Variants in ARHGAP32 observed in about 807,000 individuals in gnomAD.
ARHGAP32 encodes the protein Rho GTPase activating protein 32.
In ARHGAP32, 51 loss-of-function variants were observed where a neutral mutation model predicts 186.5. That is an observed-to-expected ratio of 0.27 (90% CI 0.22 to 0.35). The LOEUF is 0.35. Among genes scored for constraint, ARHGAP32 ranks in the 10% least tolerant of loss-of-function variants. ARHGAP32 has a pLI of 1.00. For missense variants in ARHGAP32, 2,186 were observed against 2,623.5 expected (o/e 0.83, Z 3.64); for synonymous variants, 950 against 964.3 (o/e 0.99, Z 0.27).
chr11:129,007,949 G>C lies in ARHGAP32; in HGVS notation c.1046-9481C>G, dbSNP rs1365590779. Among the ~76,000 whole-genome samples, 4 of 152,236 alleles carry C rather than the reference G, an allele frequency of 2.6e-5. 1 individual carries two copies. The South Asian group carries it at 8.3e-4, about 32-fold the overall frequency. On this transcript the variant is annotated intron_variant, in intron 11 of 22. Transcript: ENST00000682385. ...GGGCTGTCTAAATGGCCCCTCCATG[G>C]GTAGGCATCACCTAAGTTCAAGCTG...
chr11:129,063,477 T>C (rs923537380), intron 9 of ARHGAP32, among the ~76,000 whole-genome samples: 15 of 152,154 alleles, frequency 9.9e-5, no homozygotes, highest in East Asian at 3.8e-4. Context: ...AAATGTATCA[T>C]TGGGTATTGT....
rs769664307 is a variant in ARHGAP32, at chr11:128,969,347, C to T, written c.5866G>A (p.Val1956Ile). 23 of 1,614,094 alleles carry T rather than the reference C, an allele frequency of 1.4e-5. No individual in the cohort carries two copies. In the South Asian group the frequency reaches 2.4e-4, roughly 17 times the overall value. The part of the protein sequence containing the change: ...QESLRLNHKE[V>I]RLSKEMERPW... Reference sequence around the variant, plus strand: ...CGCTCCATCTCTTTGGAGAGCCTTACCTCTTTGTGGTTCAGTCTTAAAGAT... The same window carrying T: ...CGCTCCATCTCTTTGGAGAGCCTTATCTCTTTGTGGTTCAGTCTTAAAGAT... Residue 1956 changes from valine to isoleucine, a missense_variant, in exon 23 of 23, where the codon GTA becomes ATA. By Grantham distance (29) the Val-to-Ile change is conservative. Around this residue, in one of 5 missense-constraint regions of ARHGAP32, gnomAD observed 1,502 missense variants for 1,570.0 expected, o/e 0.96. Coordinates refer to ENST00000682385, the MANE Select transcript of ARHGAP32 (RefSeq NM_001378024.1). This position sits in a 1 kb window ranked among gnomAD's most constrained non-coding sequence, Gnocchi z 4.8.
rs1945282092 is a variant in ARHGAP32, at chr11:128,969,036, C to T, written c.6177G>A (p.Met2059Ile). The change falls in exon 23 of 23, where the codon ATG becomes ATA. Residue 2059 changes from methionine (M) to isoleucine (I), a missense_variant. Coordinates refer to ENST00000682385, the MANE Select transcript of ARHGAP32 (RefSeq NM_001378024.1). This position sits in a 1 kb window ranked among gnomAD's most constrained non-coding sequence, Gnocchi z 4.8. The part of the protein sequence containing the change: ...HQRGVFGGGG[M>I]GTYVPPGFPH... ...GAAAGCCAGGGGGCACATACGTCCC[C>T]ATGCCGCCCCCTCCAAAGACTCCTC... is the stretch of plus-strand genomic sequence containing the variant. 1.2e-6 allele frequency: 2 copies of T among 1,612,212 alleles called. No individual in the cohort carries two copies. Among genetic ancestry groups the T allele is most frequent in the Admixed American group, 1.7e-5 (1 of 59,912 alleles).
rs546676786 is a variant in ARHGAP32 at position 129,017,408 on chromosome 11, T to C, written c.1046-18940A>G. 1.3e-3 allele frequency among the ~76,000 whole-genome samples: 193 copies of C among 149,886 alleles called. 2 individuals carry two copies. Among genetic ancestry groups the C allele is most frequent in the African/African-American group, 4.3e-3 (173 of 40,648 alleles). Reference sequence around the variant, plus strand: ...GCTGCAGTGAGCTGAGATCGTGCCATTGCATTCCAGCCTAGGTGACAAGAG... The same window carrying C: ...GCTGCAGTGAGCTGAGATCGTGCCACTGCATTCCAGCCTAGGTGACAAGAG... On this transcript the variant is annotated intron_variant, in intron 11 of 22. Coordinates refer to ENST00000682385, the MANE Select transcript of ARHGAP32 (RefSeq NM_001378024.1).
Position 129,192,036 on chromosome 11 carries a change from G to C in ARHGAP32, c.116+47C>G, listed in dbSNP as rs763408217. Reference sequence around the variant, plus strand: ...CAGAGAAGAAAAAGGGGTGCGGGTGGGGGTAGGGAGTGGACAGGACAAAGG... The same window carrying C: ...CAGAGAAGAAAAAGGGGTGCGGGTGCGGGTAGGGAGTGGACAGGACAAAGG... On this transcript the variant is annotated intron_variant, in intron 1 of 22. Transcript: ENST00000682385. 13 of 1,344,958 alleles carry C rather than the reference G, an allele frequency of 9.7e-6. No homozygotes were observed. In the East Asian group the frequency reaches 2.8e-4, roughly 28 times the overall value. 83.3% of individuals were successfully genotyped at this position (1,344,958 alleles called of 1,614,324 possible). A position where few individuals can be genotyped will look rare whatever the true frequency, so the allele number is the denominator to read the frequency against.
intron 1 of ARHGAP32, among the ~76,000 whole-genome samples, chr11:129,238,758 C>T (rs61911041): frequency 6.9e-6 from 1 of 145,346 alleles, no homozygotes; most frequent in Non-Finnish European, 1.5e-5. Flanking sequence ...TTATTTTAAA[C>T]ACACACACAC....
chr11:129,059,725 C>A (rs1409574776), intron 10 of ARHGAP32, among the ~76,000 whole-genome samples: 1 of 151,964 alleles, frequency 6.6e-6, no homozygotes, highest in African/African-American at 2.4e-5. Context: ...GTCTTGAACT[C>A]CTGACCTCAT....
intron 5 of ARHGAP32, among the ~76,000 whole-genome samples, chr11:129,100,425 G>A (rs1394226780): frequency 6.6e-6 from 1 of 152,176 alleles, no homozygotes; most frequent in East Asian, 1.9e-4. Flanking sequence ...GACCTGTGGA[G>A]AGCTGCAGAG....
intron 1 of ARHGAP32, among the ~76,000 whole-genome samples, chr11:129,178,255 A>C (rs966744840): frequency 5.3e-5 from 8 of 152,260 alleles, no homozygotes; most frequent in African/African-American, 1.9e-4. Flanking sequence ...GGACCTCTTC[A>C]AGGAGAACTA....
intron 1 of ARHGAP32, among the ~76,000 whole-genome samples, chr11:129,197,879 G>T (rs1591692019): frequency 6.6e-6 from 1 of 152,020 alleles, no homozygotes; most frequent in Admixed American, 6.6e-5. Context: ...GAACACTGAT[G>T]TATTCTGGAT....
intron 10 of ARHGAP32, among the ~76,000 whole-genome samples, chr11:129,055,213 C>G (rs1413700398): frequency 2.0e-5 from 3 of 152,202 alleles, no homozygotes; most frequent in African/African-American, 4.8e-5. Context: ...ATTTGGTAAA[C>G]ACTATTCCTC....
chr11:128,982,721 T>C (rs1017708571), intron 15 of ARHGAP32, among the ~76,000 whole-genome samples: 2 of 151,374 alleles, frequency 1.3e-5, no homozygotes, highest in Non-Finnish European at 2.9e-5. Context: ...ACCCCATCTC[T>C]ACAAAAAGTG....
rs1483359584 is a variant in ARHGAP32 at position 128,968,432 on chromosome 11, AAC to A, written c.*473_*474del. The A allele has an allele frequency of 6.6e-6, 1 of 152,464 alleles. No homozygotes were observed. Among genetic ancestry groups the A allele is most frequent in the African/African-American group, 2.4e-5 (1 of 41,470 alleles). The allele number at this position is 152,464 out of a possible 1,614,324, so 9.4% of individuals were successfully genotyped here. A position where few individuals can be genotyped will look rare whatever the true frequency, so the allele number is the denominator to read the frequency against. Reference sequence around the variant, plus strand: ...TCTCAGACGGGGAGAATGAAGTGACAACAGTGTGTCGATCTGCGCAAGTTGTG... The same window carrying A: ...TCTCAGACGGGGAGAATGAAGTGACAAGTGTGTCGATCTGCGCAAGTTGTG... On this transcript the variant is annotated 3_prime_UTR_variant, in exon 23 of 23. Transcript: ENST00000682385.
chr11:129,144,649 T>C (rs1040900832), intron 2 of ARHGAP32, among the ~76,000 whole-genome samples: 2 of 152,142 alleles, frequency 1.3e-5, no homozygotes, highest in Non-Finnish European at 2.9e-5. Context: ...TAGCTGGTAA[T>C]TCACAAACAC....
intron 1 of ARHGAP32, among the ~76,000 whole-genome samples, chr11:129,268,560 A>C (rs948921288): frequency 1.3e-5 from 2 of 150,396 alleles, no homozygotes; most frequent in Non-Finnish European, 3.0e-5. Flanking sequence ...ATATGCAGAG[A>C]CTAGTGGTAT....
chr11:129,039,033 C>T (rs987280294), intron 11 of ARHGAP32, among the ~76,000 whole-genome samples: 1 of 151,774 alleles, frequency 6.6e-6, no homozygotes, highest in Non-Finnish European at 1.5e-5. Context: ...AAGTCAAATC[C>T]ACAGTGAGAT....
chr11:128,969,288 T>C lies in ARHGAP32; in HGVS notation c.5925A>G (p.Lys1975=). 6.2e-7 allele frequency: 1 copy of C among 1,614,186 alleles called. No individual in the cohort carries two copies. Among genetic ancestry groups the C allele is most frequent in the South Asian group, 1.1e-5 (1 of 91,086 alleles). The change falls in exon 23 of 23, where the codon AAA becomes AAG. Residue 1975 remains lysine (K), a synonymous_variant. Transcript: ENST00000682385. The surrounding 1 kb of genome is among the most constrained non-coding windows in gnomAD (Gnocchi z 4.8). The part of the protein sequence containing the change: ...PWVRQPSAPE[K]HSRDCYKEEE... ...CCTCCTTGTAGCAGTCTCTGGAGTGTTTCTCTGGGGCAGAAGGCTGCCTAA... is the reference window on the plus strand; with the variant it reads ...CCTCCTTGTAGCAGTCTCTGGAGTGCTTCTCTGGGGCAGAAGGCTGCCTAA...
intron 6 of ARHGAP32, among the ~76,000 whole-genome samples, chr11:129,086,481 A>C (rs941013467): frequency 2.0e-5 from 3 of 152,222 alleles, no homozygotes; most frequent in Non-Finnish European, 4.4e-5. Flanking sequence ...AGACAATGTC[A>C]AGAGAATGAG....
intron 5 of ARHGAP32, among the ~76,000 whole-genome samples, chr11:129,110,635 A>T (rs1225642883): frequency 6.6e-6 from 1 of 151,944 alleles, no homozygotes; most frequent in East Asian, 1.9e-4. Context: ...ACACAATTTT[A>T]CTCATAGAAA....
Sources: allele counts gnomAD v4.1 joint callset (sites outside exome capture counted in the v4.1 genomes callset), GRCh38; gene constraint gnomAD v4.1.1; regional missense constraint gnomAD v4.1.1; non-coding constraint Gnocchi (gnomAD v3.1); transcripts MANE v1.5; gene names NCBI Gene and HGNC (gene_info 2026-07-23, HGNC 2026-07-21).